Variants in MMRN2 observed in about 807,000 individuals in gnomAD.
The protein encoded by MMRN2 is multimerin 2, also known as multimerin-2.
Under a neutral mutation model 68.8 loss-of-function variants are expected in MMRN2, and 53 were observed. The observed-to-expected ratio is 0.77, with a 90% confidence interval of 0.62 to 0.97. The LOEUF (loss-of-function observed/expected upper bound fraction) is 0.97. Among genes scored for constraint, MMRN2 ranks in the 50% least tolerant of loss-of-function variants. The pLI is 0.00. For missense variants in MMRN2, 1,266 were observed against 1,259.5 expected, an observed-to-expected ratio of 1.01 and a Z score of -0.08; for synonymous variants, 564 against 551.6, an observed-to-expected ratio of 1.02 and a Z score of -0.32.
intron 1 of MMRN2, chr10:86,945,954 T>A (rs888949648): frequency 3.6e-6 from 3 of 829,348 alleles, no homozygotes; most frequent in Non-Finnish European, 5.2e-6. Context: ...CCCACCACAA[T>A]CTAGAACTGT....
At position 86,943,278 on chromosome 10, in the gene MMRN2, G is replaced by C; in HGVS notation, c.1506C>G (p.Asp502Glu). ...CGTCCCTCTGGCCCTCCCGGATGAC[G>C]TCCAGGTCTAAATAGAGCTTCTGGC... ...CNCQKLYLDLDVIREGQRDAT... is the reference protein window; with the variant it reads ...CNCQKLYLDLEVIREGQRDAT... Residue 502 changes from aspartate to glutamate, a missense_variant, in exon 6 of 7, where the codon GAC (aspartate) becomes GAG (glutamate). Transcript: ENST00000372027. The surrounding 1 kb of genome is among the most constrained non-coding windows in gnomAD (Gnocchi z 4.2). The C allele has an allele frequency of 1.2e-6, 2 of 1,613,522 alleles. No homozygotes were observed.
intron 4 of MMRN2, chr10:86,944,644 C>T (rs1844040241): frequency 1.8e-6 from 1 of 569,114 alleles, no homozygotes. Context: ...GCAGACATGA[C>T]TAATCAATCA....
Position 86,943,104 on chromosome 10 carries a change from G to A in MMRN2, c.1680C>T (p.Ala560=). ...HKAEGERARA[A]TSRLRSQVQA... The stretch of plus-strand genomic sequence containing the variant: ...GCACTTGGCTCCGGAGCCGCGACGT[G>A]GCCGCCCGCGCCCGCTCGCCCTCCG... Residue 560 remains alanine (A), a synonymous_variant, in exon 6 of 7, where the codon GCC becomes GCT. Coordinates refer to ENST00000372027, the MANE Select transcript of MMRN2 (RefSeq NM_024756.3). This position sits in a 1 kb window ranked among gnomAD's most constrained non-coding sequence, Gnocchi z 4.2. 2 of 1,469,068 alleles carry A rather than the reference G, an allele frequency of 1.4e-6. No individual in the cohort carries two copies. The highest frequency in any genetic ancestry group is 1.8e-6 in the Non-Finnish European group (2 of 1,119,678). 91.0% of individuals were successfully genotyped at this position (1,469,068 alleles called of 1,614,324 possible). A position where few individuals can be genotyped will look rare whatever the true frequency, so the allele number is the denominator to read the frequency against.
intron 1 of MMRN2, among the ~76,000 whole-genome samples, chr10:86,952,338 G>A (rs554033618): frequency 2.4e-4 from 37 of 152,206 alleles, no homozygotes; most frequent in Non-Finnish European, 4.7e-4. Flanking sequence ...CAGGTGTCAT[G>A]CTTGCCTGCA....
At position 86,936,866 on chromosome 10, in the gene MMRN2, C is replaced by G. The variant is rs767910078; in HGVS notation, c.2727G>C (p.Thr909=). 6.2e-7 allele frequency: 1 copy of G among 1,614,208 alleles called. No homozygotes were observed. ...TCTGCAGCTCAGCCATGGCAAAGAC[C>G]GTTGCTGTGCTTCCACTCCCCTGCC... is the stretch of plus-strand genomic sequence containing the variant. ...TTGQGSGSTA[T]VFAMAELQKG... The change falls in exon 7 of 7, where the codon ACG becomes ACC. Residue 909 remains threonine, a synonymous_variant. Transcript: ENST00000372027.
At chr10:86,945,792 G>A (rs1362650545) in intron 1 of MMRN2, 103 bp from the exon 2 acceptor site, 2 of 1,574,512 alleles carry the variant, frequency 1.3e-6, no homozygotes, top group Non-Finnish European at 1.7e-6. Flanking sequence ...AGCAGTGCTG[G>A]GATTCTGGAA....
chr10:86,945,336 G>A lies in MMRN2; in HGVS notation c.400+34C>T, dbSNP rs1844049796. 6.2e-6 allele frequency: 10 copies of A among 1,607,778 alleles called. No individual in the cohort carries two copies. In the East Asian group the frequency reaches 6.7e-5, roughly 11 times the overall value. On this transcript the variant is annotated intron_variant, in intron 3 of 6. Transcript: ENST00000372027. ...AGCTGCTTGACCTTGGGGATCAGAG[G>A]TCAAGGGGGGAAGGGGGCCGCAGGG...
At chr10:86,941,821 G>GAAAAAAAA (rs1564731145) in intron 6 of MMRN2, among the ~76,000 whole-genome samples, 1 of 67,654 alleles carries the variant, frequency 1.5e-5, no homozygotes, top group African/African-American at 5.5e-5. Context: ...AAAAAGAAAA[G>GAAAAAAAA]AAAAAGAAAA....
chr10:86,950,857 C>G (rs1256485601), intron 1 of MMRN2, among the ~76,000 whole-genome samples: 1 of 152,162 alleles, frequency 6.6e-6, no homozygotes, highest in Non-Finnish European at 1.5e-5. Context: ...AAAAGTTTCA[C>G]AGTTTATTTC....
chr10:86,957,473 C>T lies in MMRN2; in HGVS notation c.69G>A (p.Gln23=), dbSNP rs745597708. 1.9e-6 allele frequency: 3 copies of T among 1,613,476 alleles called. No individual in the cohort carries two copies. In the East Asian group the frequency reaches 6.7e-5, roughly 36 times the overall value. The stretch of plus-strand genomic sequence containing the variant: ...GATCAGAGAGGCTAGTACTGGAAGC[C>T]TGGGCCCATGCCCCCAGCAGCCCCC... The part of the protein sequence containing the change: ...LGWGLLGAWA[Q]ASSTSLSDLQ... The change falls in exon 1 of 7, where the codon CAG becomes CAA. Residue 23 remains glutamine (Q), a synonymous_variant. Transcript: ENST00000372027.
chr10:86,955,075 T>TG (rs1448235445), intron 1 of MMRN2, among the ~76,000 whole-genome samples: 1 of 152,098 alleles, frequency 6.6e-6, no homozygotes, highest in East Asian at 1.9e-4. Flanking sequence ...GCCACCCTCT[T>TG]GGGGGGACAG....
rs1844257654 is a variant in MMRN2 at position 86,957,604 on chromosome 10, T to G, written c.-63A>C. ...GGCAAGTAGCTCCAGAAACTGCTAG[T>G]GACGTTGTCTTCAAGTTAAATCTCA... On this transcript the variant is annotated 5_prime_UTR_variant, in exon 1 of 7. Coordinates refer to ENST00000372027, the MANE Select transcript of MMRN2 (RefSeq NM_024756.3). 6 of 1,514,142 alleles carry G rather than the reference T, an allele frequency of 4.0e-6. No homozygotes were observed. The allele number at this position is 1,514,142 out of a possible 1,614,324, so 93.8% of individuals were successfully genotyped here. A position where few individuals can be genotyped will look rare whatever the true frequency, so the allele number is the denominator to read the frequency against.
At chr10:86,954,278 A>G (rs1194769476) in intron 1 of MMRN2, 1 of 152,330 alleles carries the variant, frequency 6.6e-6, no homozygotes, top group Non-Finnish European at 1.5e-5. Flanking sequence ...CTGTGGCCCC[A>G]ACCTGCTGCT....
At position 86,943,137 on chromosome 10, in the gene MMRN2, C is replaced by T. The variant is rs1211415444; in HGVS notation, c.1647G>A (p.Ala549=). ...AVDAVSLAVD[A]HKAEGERARA... ...GCGCCCGCTCGCCCTCCGCTTTGTGCGCGTCCACGGCCAGCGACACGGCGT... is the reference window on the plus strand; with the variant it reads ...GCGCCCGCTCGCCCTCCGCTTTGTGTGCGTCCACGGCCAGCGACACGGCGT... Residue 549 remains alanine, a synonymous_variant, in exon 6 of 7, where the codon GCG becomes GCA. Coordinates refer to ENST00000372027, the MANE Select transcript of MMRN2 (RefSeq NM_024756.3). This position sits in a 1 kb window ranked among gnomAD's most constrained non-coding sequence, Gnocchi z 4.2. 2.5e-6 allele frequency: 4 copies of T among 1,580,428 alleles called. No individual in the cohort carries two copies. The African/African-American group carries it at 4.0e-5, about 16-fold the overall frequency.
Position 86,936,801 on chromosome 10 carries a change from A to G in MMRN2, c.2792T>C (p.Ile931Thr). The G allele has an allele frequency of 6.2e-7, 1 of 1,614,164 alleles. No individual in the cohort carries two copies. The part of the protein sequence containing the change: ...RVWFELTQGS[I>T]TKRSLSGTAF... ...AGTGCCCGACAGGCTTCTCTTTGTT[A>G]TTGATCCCTGGGTTAACTCAAACCA... Residue 931 changes from isoleucine (I) to threonine (T), a missense_variant, in exon 7 of 7, where the codon ATA becomes ACA. Transcript: ENST00000372027.
At chr10:86,955,010 C>T (rs1589308179) in intron 1 of MMRN2, among the ~76,000 whole-genome samples, 1 of 152,326 alleles carries the variant, frequency 6.6e-6, no homozygotes, top group East Asian at 1.9e-4. Flanking sequence ...TCAGGAGAAG[C>T]CTGAGGCTGG....
In MMRN2 at chr10:86,944,091, G is replaced by T. The variant is rs1250017983; in HGVS notation, c.693C>A (p.Pro231=). ...GCACTTGTAGGAAGGTGTCCACGTG[G>T]GGTAGCAGCACCTGCTCCAAGGATC... ...PDRSLEQVLL[P]HVDTFLQVHF... Residue 231 remains proline, a synonymous_variant, in exon 6 of 7, where the codon CCC becomes CCA. Transcript: ENST00000372027. 1 of 1,614,038 alleles carries T rather than the reference G, an allele frequency of 6.2e-7. No homozygotes were observed. Among genetic ancestry groups the T allele is most frequent in the Admixed American group, 1.7e-5 (1 of 60,016 alleles).
intron 1 of MMRN2, among the ~76,000 whole-genome samples, chr10:86,955,805 C>A (rs1844214640): frequency 6.6e-6 from 1 of 152,132 alleles, no homozygotes; most frequent in South Asian, 2.1e-4. Context: ...GAAGGAGAGC[C>A]CTGCAGGCAG....
Position 86,945,070 on chromosome 10 carries a change from G to C in MMRN2, c.481+118C>G, listed in dbSNP as rs1844045654. ...TGGTACAGGCCACAGAGCAGGCCTT[G>C]CTGATTCTGGAGGCAAGGTTTCCCT... On this transcript the variant is annotated intron_variant, in intron 4 of 6. Coordinates refer to ENST00000372027, the MANE Select transcript of MMRN2 (RefSeq NM_024756.3). 4 of 870,342 alleles carry C rather than the reference G, an allele frequency of 4.6e-6. No individual in the cohort carries two copies. In the Admixed American group the frequency reaches 6.5e-5, roughly 14 times the overall value. 53.9% of individuals were successfully genotyped at this position (870,342 alleles called of 1,614,324 possible).
Sources: gnomAD v4.1 joint callset for allele counts (sites outside exome capture counted in the v4.1 genomes callset) on GRCh38, gnomAD v4.1.1 for gene constraint, Gnocchi (gnomAD v3.1) non-coding constraint, MANE v1.5 for transcripts, NCBI Gene and HGNC (gene_info 2026-07-23, HGNC 2026-07-21) for gene names.